CHL1: variants seen among roughly 807,000 people sequenced by gnomAD.
The protein encoded by CHL1 is cell adhesion molecule L1 like.
Under a neutral mutation model 141.9 loss-of-function variants are expected in CHL1, and 96 were observed. The ratio of observed to expected loss-of-function variants is 0.68; its 90% CI spans 0.57 to 0.80. The LOEUF is 0.80. Among genes scored for constraint, CHL1 ranks in the 30% least tolerant of loss-of-function variants. CHL1 has a pLI of 0.00. For synonymous variants in CHL1, 613 were observed against 502.2 expected (o/e 1.22, Z -2.95); for missense variants, 1,820 against 1,457.2 (o/e 1.25, Z -4.05).
chr3:254,523 G>T (rs193254610), intron 2 of CHL1, among the ~76,000 whole-genome samples: 1 of 152,178 alleles, frequency 6.6e-6, no homozygotes, highest in African/African-American at 2.4e-5. Context: ...CTTGTGATGA[G>T]ATGATTGTCA....
chr3:259,497 A>G (rs1457978329), intron 2 of CHL1, among the ~76,000 whole-genome samples: 2 of 152,180 alleles, frequency 1.3e-5, no homozygotes, highest in Non-Finnish European at 2.9e-5. Flanking sequence ...TGTTTTTAAA[A>G]AAGTATTTTT....
intron 2 of CHL1, among the ~76,000 whole-genome samples, chr3:277,028 G>A (rs1212468686): frequency 2.6e-5 from 4 of 151,952 alleles, no homozygotes; most frequent in African/African-American, 7.2e-5. Flanking sequence ...TCTGAAAATT[G>A]GAGATAATGA....
chr3:328,544 T>C (rs982189069), intron 5 of CHL1, 190 bp downstream of exon 5: 12 of 453,812 alleles, frequency 2.6e-5, no homozygotes, highest in African/African-American at 4.0e-5. Flanking sequence ...GAAAACAACA[T>C]AATTTGACTC....
At chr3:280,988 CT>C (rs1227689361) in intron 2 of CHL1, among the ~76,000 whole-genome samples, 1 of 152,070 alleles carries the variant, frequency 6.6e-6, no homozygotes, top group Non-Finnish European at 1.5e-5. Context: ...ATCACATTTT[CT>C]AACCCAGTAA....
chr3:302,632 G>C (rs1698858164), intron 2 of CHL1, among the ~76,000 whole-genome samples: 1 of 152,134 alleles, frequency 6.6e-6, no homozygotes, highest in Non-Finnish European at 1.5e-5. Context: ...GTTCTTTGTA[G>C]ATTCTGGATA....
intron 1 of CHL1, among the ~76,000 whole-genome samples, chr3:216,409 A>G (rs1700325856): frequency 6.6e-6 from 1 of 152,216 alleles, no homozygotes. Flanking sequence ...TTCTAATGTG[A>G]TCAGGAGAAT....
intron 1 of CHL1, chr3:197,594 GCTC>G: frequency 2.8e-6 from 1 of 351,438 alleles, no homozygotes; most frequent in South Asian, 2.1e-5. Flanking sequence ...CCCCTGTGTG[GCTC>G]CTCCTCTCAG....
chr3:276,526 C>A (rs1696114379), intron 2 of CHL1, among the ~76,000 whole-genome samples: 1 of 152,118 alleles, frequency 6.6e-6, no homozygotes, highest in Admixed American at 6.6e-5. Context: ...CAAGGAAAAT[C>A]TCCTGATTAA....
intron 3 of CHL1, among the ~76,000 whole-genome samples, chr3:321,733 T>C (rs1056812971): frequency 1.4e-4 from 22 of 152,116 alleles, no homozygotes; most frequent in African/African-American, 5.3e-4. Context: ...CAACAATTGT[T>C]ATAAAATATT....
intron 2 of CHL1, chr3:308,650 A>G (rs1399408876): frequency 6.7e-6 from 1 of 150,330 alleles, no homozygotes; most frequent in African/African-American, 2.4e-5. Context: ...TCTATATTAT[A>G]TAATATATAT....
chr3:319,615 G>A (rs955541026), intron 2 of CHL1, 68 bp from the exon 3 acceptor site: 6 of 475,518 alleles, frequency 1.3e-5, no homozygotes, highest in African/African-American at 1.0e-4. Flanking sequence ...AAAAAAGAAG[G>A]TATTTAATTT....
At chr3:307,682 A>G (rs1331149623) in intron 2 of CHL1, among the ~76,000 whole-genome samples, 3 of 152,154 alleles carry the variant, frequency 2.0e-5, no homozygotes, top group East Asian at 1.9e-4. Context: ...TTAATGGAAC[A>G]TTCTGCTAAC....
At position 326,000 on chromosome 3, in the gene CHL1, G is replaced by C. The variant is rs757487714; in HGVS notation, c.133G>C (p.Val45Leu). The change falls in exon 4 of 28, where the codon GTT becomes CTT. Residue 45 changes from valine to leucine, a missense_variant. Physicochemically the swap from Val to Leu is conservative, Grantham distance 32 (BLOSUM62 1). Transcript: ENST00000256509. ...PTIIKQSKVQ[V>L]AFPFDEYFQI... is the part of the protein sequence containing the mutation. ...AATCATAAAACAGTCAAAAGTCCAAGTTGCCTTTCCCTTCGATGAGTATTT... is the reference window on the plus strand; with the variant it reads ...AATCATAAAACAGTCAAAAGTCCAACTTGCCTTTCCCTTCGATGAGTATTT... 1.9e-6 allele frequency: 3 copies of C among 1,611,874 alleles called. No individual in the cohort carries two copies. Among genetic ancestry groups the C allele is most frequent in the Admixed American group, 1.7e-5 (1 of 59,744 alleles).
chr3:361,826 A>G lies in CHL1; in HGVS notation c.1418+16A>G, dbSNP rs765992513. Reference sequence around the variant, plus strand: ...TCGTGTCCTGGTAAGCCGGTGGCTCATGGTTTTCTTAAGAGAATGTCAATT... The same window carrying G: ...TCGTGTCCTGGTAAGCCGGTGGCTCGTGGTTTTCTTAAGAGAATGTCAATT... On this transcript the variant is annotated intron_variant, in intron 13 of 27. Coordinates refer to ENST00000256509, the MANE Select transcript of CHL1 (RefSeq NM_006614.4). The G allele has an allele frequency of 4.6e-6, 7 of 1,513,748 alleles. No homozygotes were observed. The highest frequency in any genetic ancestry group is 1.7e-5 in the Admixed American group (1 of 59,524). The allele number at this position is 1,513,748 out of a possible 1,614,324, so 93.8% of individuals were successfully genotyped here. A position where few individuals can be genotyped will look rare whatever the true frequency, so the allele number is the denominator to read the frequency against.
At chr3:312,389 G>T (rs757832340) in intron 2 of CHL1, among the ~76,000 whole-genome samples, 10 of 152,132 alleles carry the variant, frequency 6.6e-5, no homozygotes, top group Non-Finnish European at 1.5e-4. Flanking sequence ...TGTTTCCTTT[G>T]TTTTCAGAGT....
chr3:359,591 C>G (rs1292183110), intron 11 of CHL1, among the ~76,000 whole-genome samples: 1 of 152,146 alleles, frequency 6.6e-6, no homozygotes, highest in African/African-American at 2.4e-5. Context: ...GTATGAGCCA[C>G]CATGCCCAGC....
chr3:390,573 G>T, intron 20 of CHL1, 128 bp from the exon 21 acceptor site: 1 of 613,660 alleles, frequency 1.6e-6, no homozygotes, highest in Admixed American at 2.8e-5. Context: ...AAACTCTTTT[G>T]GTTCCATTTG....
intron 1 of CHL1, among the ~76,000 whole-genome samples, chr3:224,954 G>A (rs1455492543): frequency 2.0e-5 from 3 of 150,928 alleles, no homozygotes; most frequent in African/African-American, 7.3e-5. Flanking sequence ...TGGCCAACAT[G>A]GTGACACCCC....
At position 363,340 on chromosome 3, in the gene CHL1, T is replaced by C; in HGVS notation, c.1542T>C (p.Asn514=). 1 of 1,612,750 alleles carries C rather than the reference T, an allele frequency of 6.2e-7. No individual in the cohort carries two copies. The highest frequency in any genetic ancestry group is 8.5e-7 in the Non-Finnish European group (1 of 1,179,456). ...DAGSYSCWVE[N]AIGKTAVTAN... ...GGTCTTACTCATGTTGGGTAGAAAA[T>C]GCTATAGGAAAAACTGCAGTCACAG... The change falls in exon 14 of 28, where the codon AAT becomes AAC. Residue 514 remains asparagine (N), a synonymous_variant. Coordinates refer to ENST00000256509, the MANE Select transcript of CHL1 (RefSeq NM_006614.4).
Sources: allele counts gnomAD v4.1 joint callset (sites outside exome capture counted in the v4.1 genomes callset), GRCh38; gene constraint gnomAD v4.1.1; transcripts MANE v1.5; gene names NCBI Gene and HGNC (gene_info 2026-07-23, HGNC 2026-07-21).